The following SGK1 variants were observed in gnomAD, a reference collection of about 807,000 sequenced individuals.
The protein encoded by SGK1 is serum/glucocorticoid regulated kinase 1, also known as serine/threonine-protein kinase Sgk1.
SGK1 carries 26 observed loss-of-function variants against 64.2 expected under a neutral mutation model. That is an observed-to-expected ratio of 0.40 (90% confidence interval 0.30 to 0.56). The LOEUF (loss-of-function observed/expected upper bound fraction) is 0.56. Among genes scored for constraint, SGK1 ranks in the 20% least tolerant of loss-of-function variants. SGK1 has a pLI of 0.38. For synonymous variants in SGK1, 265 were observed against 239.7 expected (o/e 1.11, Z -0.98); for missense variants, 519 against 645.6 (o/e 0.80, Z 2.12).
Position 134,177,925 on chromosome 6 carries a change from T to A in SGK1, c.362-3339A>T, listed in dbSNP as rs77228147. The A allele has an allele frequency of 5.5e-4, 674 of 1,234,530 alleles. 3 individuals are homozygous for A. The African/African-American group carries it at 9.2e-3, about 17-fold the overall frequency. 76.5% of individuals were successfully genotyped at this position (1,234,530 alleles called of 1,614,324 possible). Reference sequence around the variant, plus strand: ...GGGAGCAAGCTGCAAAGTTCAACACTGGGCCATTTATTCTCCCCATTGCGA... The same window carrying A: ...GGGAGCAAGCTGCAAAGTTCAACACAGGGCCATTTATTCTCCCCATTGCGA... On this transcript the variant is annotated intron_variant, in intron 3 of 13. Transcript: ENST00000367858.
At chr6:134,288,427 G>A (rs370700976) in intron 1 of SGK1, among the ~76,000 whole-genome samples, 4 of 152,262 alleles carry the variant, frequency 2.6e-5, no homozygotes, top group Admixed American at 1.3e-4. Flanking sequence ...TAGAAAATAC[G>A]CCTGGAGAAA....
chr6:134,195,353 A>G (rs1562246981), intron 3 of SGK1, among the ~76,000 whole-genome samples: 1 of 152,346 alleles, frequency 6.6e-6, no homozygotes, highest in East Asian at 1.9e-4. Flanking sequence ...ATTTTGCTCC[A>G]ATTGGAAAGC....
Position 134,232,413 on chromosome 6 carries a change from GAGAAAGAAAGAAAGAAAGAA to G in SGK1, c.286-25002_286-24983del, listed in dbSNP as rs775588688. On this transcript the variant is annotated intron_variant, in intron 2 of 13. Transcript: ENST00000367858. ...AAAAGAAAGAAGAAAAAGAAAGAAAGAGAAAGAAAGAAAGAAAGAAAGAAAGAAAGAAAGAAAGAAAGAAA... is the reference window on the plus strand; with the variant it reads ...AAAAGAAAGAAGAAAAAGAAAGAAAGAGAAAGAAAGAAAGAAAGAAAGAAA... Among the ~76,000 whole-genome samples the G allele has an allele frequency of 2.8e-3, 132 of 47,768 alleles. 5 individuals are homozygous for G. In the Middle Eastern group the frequency reaches 0.047, roughly 17 times the overall value. 31.3% of individuals were successfully genotyped at this position (47,768 alleles called of 152,430 possible).
Position 134,174,023 on chromosome 6 carries a change from A to G in SGK1, c.495T>C (p.Asn165=), listed in dbSNP as rs372021098. The G allele has an allele frequency of 1.2e-6, 2 of 1,613,248 alleles. No homozygotes were observed. The highest frequency in any genetic ancestry group is 1.7e-6 in the Non-Finnish European group (2 of 1,179,712). Reference sequence around the variant, plus strand: ...AACTTACTGGAGGAGAAGGGTTGGCATTCATAAGCTCAGGCTCCTGAGGTT... The same window carrying G: ...AACTTACTGGAGGAGAAGGGTTGGCGTTCATAAGCTCAGGCTCCTGAGGTT... The part of the protein sequence containing the change: ...ISQPQEPELM[N]ANPSPPPSPS... The change falls in exon 5 of 14, where the codon AAT becomes AAC. Residue 165 remains asparagine, a synonymous_variant. Coordinates refer to ENST00000367858, the MANE Select transcript of SGK1 (RefSeq NM_001143676.3).
chr6:134,181,345 T>C (rs1470871942), intron 3 of SGK1, among the ~76,000 whole-genome samples: 8 of 152,172 alleles, frequency 5.3e-5, no homozygotes, highest in Admixed American at 1.3e-4. Flanking sequence ...TTTCTTTCTT[T>C]CTTTTTCTTT....
Position 134,276,658 on chromosome 6 carries a change from A to T in SGK1, c.70-14510T>A, listed in dbSNP as rs536105636. Among the ~76,000 whole-genome samples the T allele has an allele frequency of 2.6e-5, 4 of 152,306 alleles. No homozygotes were observed. The East Asian group carries it at 7.7e-4, about 29-fold the overall frequency. On this transcript the variant is annotated intron_variant, in intron 1 of 13. Transcript: ENST00000367858. The stretch of plus-strand genomic sequence containing the variant: ...AGCATCCTAGGTTAGAGGAATAAGC[A>T]CTGTCCACAGATTAGATGGACCCCA...
In SGK1 at chr6:134,174,763, G is replaced by T. The variant is rs202216486; in HGVS notation, c.362-177C>A. The T allele has an allele frequency of 8.7e-6, 14 of 1,614,178 alleles. No individual in the cohort carries two copies. In the Admixed American group the frequency reaches 1.7e-4, roughly 19 times the overall value. On this transcript the variant is annotated intron_variant, in intron 3 of 13. Coordinates refer to ENST00000367858, the MANE Select transcript of SGK1 (RefSeq NM_001143676.3). ...GAATTGCCACCATGCCCCTCATCCTGGAGTAAGTGAGGGTGCCCTTAGCAG... is the reference window on the plus strand; with the variant it reads ...GAATTGCCACCATGCCCCTCATCCTTGAGTAAGTGAGGGTGCCCTTAGCAG...
At chr6:134,295,613 G>T (rs375614165) in intron 1 of SGK1, among the ~76,000 whole-genome samples, 1 of 152,154 alleles carries the variant, frequency 6.6e-6, no homozygotes, top group South Asian at 2.1e-4. Context: ...TGAGGCAGGA[G>T]GATCGCTTGA....
intron 11 of SGK1, 78 bp from the exon 12 acceptor site, chr6:134,171,256 A>G (rs369131581): frequency 2.3e-6 from 3 of 1,316,468 alleles, no homozygotes; most frequent in Non-Finnish European, 2.2e-6. Context: ...AAAAAGATAT[A>G]AACGGCAATA....
intron 3 of SGK1, among the ~76,000 whole-genome samples, chr6:134,180,620 C>T (rs1775316548): frequency 6.6e-6 from 1 of 152,062 alleles, no homozygotes; most frequent in African/African-American, 2.4e-5. Flanking sequence ...CACCTCTAAT[C>T]CCAGCACTTT....
rs560834106 is a variant in SGK1, at chr6:134,197,478, T to C, written c.361+9878A>G. ...TGTAGTTCAGTTAATAGGTCAAGAA[T>C]ATCAGCAGCTATTGTTATGTTGAGG... On this transcript the variant is annotated intron_variant, in intron 3 of 13. Coordinates refer to ENST00000367858, the MANE Select transcript of SGK1 (RefSeq NM_001143676.3). Among the ~76,000 whole-genome samples the C allele has an allele frequency of 2.6e-3, 391 of 152,264 alleles. 4 individuals carry two copies. Among genetic ancestry groups the C allele is most frequent in the African/African-American group, 9.1e-3 (376 of 41,546 alleles).
intron 1 of SGK1, among the ~76,000 whole-genome samples, chr6:134,313,068 C>T (rs1268850128): frequency 6.6e-6 from 1 of 152,172 alleles, no homozygotes; most frequent in East Asian, 1.9e-4. Flanking sequence ...CCAACGCGCC[C>T]AGCCTGTGTA....
At chr6:134,189,943 G>A (rs1034869091) in intron 3 of SGK1, among the ~76,000 whole-genome samples, 10 of 152,196 alleles carry the variant, frequency 6.6e-5, no homozygotes, top group East Asian at 3.9e-4. Flanking sequence ...TCCGCCTTCC[G>A]GATTCAAGTG....
intron 1 of SGK1, among the ~76,000 whole-genome samples, chr6:134,274,483 C>CCT (rs1420267874): frequency 6.6e-6 from 1 of 152,138 alleles, no homozygotes; most frequent in Non-Finnish European, 1.5e-5. Flanking sequence ...AAGACTATAT[C>CCT]CTCTTCTCCA....
At chr6:134,237,977 T>TA (rs1469882160) in intron 2 of SGK1, among the ~76,000 whole-genome samples, 1 of 152,194 alleles carries the variant, frequency 6.6e-6, no homozygotes, top group Non-Finnish European at 1.5e-5. Flanking sequence ...AAAAAGTGTG[T>TA]AAAAAACATC....
intron 2 of SGK1, among the ~76,000 whole-genome samples, chr6:134,251,730 T>C (rs1776608623): frequency 6.6e-6 from 1 of 152,182 alleles, no homozygotes; most frequent in Non-Finnish European, 1.5e-5. Flanking sequence ...ACTTAATTTT[T>C]GTGACTTGAA....
intron 2 of SGK1, among the ~76,000 whole-genome samples, chr6:134,238,446 T>A (rs533879352): frequency 7.1e-4 from 108 of 152,320 alleles, no homozygotes; most frequent in Non-Finnish European, 1.3e-3. Context: ...TTCTGGCAAC[T>A]GCTCTCCACA....
chr6:134,225,804 C>A (rs369212048), intron 2 of SGK1, among the ~76,000 whole-genome samples: 13 of 151,848 alleles, frequency 8.6e-5, no homozygotes, highest in African/African-American at 3.1e-4. Flanking sequence ...GTGGGCCAGG[C>A]ATGGTGACCT....
At chr6:134,175,798 C>T in intron 3 of SGK1, 2 of 1,295,098 alleles carry the variant, frequency 1.5e-6, no homozygotes, top group Non-Finnish European at 2.0e-6. Context: ...CCCTTGTGCA[C>T]GGTCGGGTCG....
Sources: gnomAD v4.1 joint callset for allele counts (sites outside exome capture counted in the v4.1 genomes callset) on GRCh38, gnomAD v4.1.1 for gene constraint, MANE v1.5 for transcripts, NCBI Gene and HGNC (gene_info 2026-07-23, HGNC 2026-07-21) for gene names.